The following KCNAB1 variants were observed in gnomAD, a reference collection of about 807,000 sequenced individuals.
KCNAB1 encodes potassium voltage-gated channel subfamily A regulatory beta subunit 1, also known as voltage-gated potassium channel subunit beta-1.
KCNAB1 carries 35 observed loss-of-function variants against 64.6 expected under a neutral mutation model. That is an observed-to-expected ratio of 0.54 (90% CI 0.41 to 0.72). The LOEUF is 0.72. Among genes scored for constraint, KCNAB1 ranks in the 30% least tolerant of loss-of-function variants. KCNAB1 has a pLI of 0.00. For missense variants in KCNAB1, 401 were observed against 512.9 expected (o/e 0.78, Z 2.11); for synonymous variants, 177 against 183.8 (o/e 0.96, Z 0.30).
chr3:156,261,912 T>C (rs1052357928), intron 1 of KCNAB1, among the ~76,000 whole-genome samples: 2 of 152,010 alleles, frequency 1.3e-5, no homozygotes, highest in African/African-American at 4.8e-5. Context: ...CGTTTTGTAG[T>C]AATCAGTATG....
At chr3:156,199,728 T>C (rs1714201985) in intron 1 of KCNAB1, among the ~76,000 whole-genome samples, 1 of 152,236 alleles carries the variant, frequency 6.6e-6, no homozygotes, top group South Asian at 2.1e-4. Flanking sequence ...TAACCCTGTA[T>C]CAAAGTTCTT....
At chr3:156,470,900 A>G (rs1348858144) in intron 7 of KCNAB1, among the ~76,000 whole-genome samples, 1 of 152,208 alleles carries the variant, frequency 6.6e-6, no homozygotes, top group African/African-American at 2.4e-5. Flanking sequence ...ATCAGCCATC[A>G]AGGATAACCA....
chr3:156,536,450 C>T, intron 13 of KCNAB1: 2 of 539,068 alleles, frequency 3.7e-6, no homozygotes, highest in Non-Finnish European at 6.6e-6. Flanking sequence ...TCACTTATGC[C>T]TTTATGCCTT....
chr3:156,453,052 G>T, intron 3 of KCNAB1, 116 bp downstream of exon 3: 1 of 601,024 alleles, frequency 1.7e-6, no homozygotes, highest in Non-Finnish European at 2.9e-6. Context: ...TAATTCACAG[G>T]AAATGGTAAA....
At chr3:156,511,731 C>A (rs1245748940) in intron 8 of KCNAB1, among the ~76,000 whole-genome samples, 1 of 152,224 alleles carries the variant, frequency 6.6e-6, no homozygotes, top group Non-Finnish European at 1.5e-5. Context: ...TCCAGTCCTC[C>A]CTGTTACTAA....
At chr3:156,482,875 T>G (rs1714930933) in intron 8 of KCNAB1, among the ~76,000 whole-genome samples, 1 of 152,104 alleles carries the variant, frequency 6.6e-6, no homozygotes, top group African/African-American at 2.4e-5. Context: ...TGCAGGAAAT[T>G]ACCTTGATGC....
chr3:156,533,579 AG>A (rs1337177315), intron 13 of KCNAB1, among the ~76,000 whole-genome samples: 1 of 152,124 alleles, frequency 6.6e-6, no homozygotes, highest in Non-Finnish European at 1.5e-5. Context: ...TTTTAAGAGG[AG>A]GGACATGCTC....
intron 1 of KCNAB1, among the ~76,000 whole-genome samples, chr3:156,162,435 T>C (rs572264756): frequency 7.2e-5 from 11 of 152,272 alleles, no homozygotes; most frequent in African/African-American, 2.4e-4. Flanking sequence ...AAACAGAGCC[T>C]TCCATTAATT....
intron 2 of KCNAB1, among the ~76,000 whole-genome samples, chr3:156,446,612 TC>T (rs1201462491): frequency 1.3e-5 from 2 of 152,204 alleles, no homozygotes; most frequent in Non-Finnish European, 2.9e-5. Flanking sequence ...CTCTCCATTC[TC>T]CCCATACTCT....
chr3:156,428,811 GT>G (rs1313469889), intron 2 of KCNAB1, among the ~76,000 whole-genome samples: 1 of 152,064 alleles, frequency 6.6e-6, no homozygotes, highest in African/African-American at 2.4e-5. Context: ...GTCAGATAGG[GT>G]TTGATCTGGA....
chr3:156,443,739 T>TACACACACACAC (rs71141708), intron 2 of KCNAB1, among the ~76,000 whole-genome samples: 8 of 141,732 alleles, frequency 5.6e-5, no homozygotes, highest in African/African-American at 1.1e-4. Context: ...ATTTAGTCCT[T>TACACACACACAC]ACACACACAC....
At chr3:156,273,036 A>C (rs1719124167) in intron 1 of KCNAB1, among the ~76,000 whole-genome samples, 1 of 150,862 alleles carries the variant, frequency 6.6e-6, no homozygotes, top group Admixed American at 6.6e-5. Flanking sequence ...GGGGCCTTGC[A>C]CCTCTGCCTG....
At chr3:156,177,654 T>A (rs916675778) in intron 1 of KCNAB1, among the ~76,000 whole-genome samples, 1 of 149,104 alleles carries the variant, frequency 6.7e-6, no homozygotes, top group Non-Finnish European at 1.5e-5. Flanking sequence ...TGGGATTACA[T>A]GCGTGAGCCA....
chr3:156,186,479 A>G (rs1031324108), intron 1 of KCNAB1, among the ~76,000 whole-genome samples: 1 of 152,042 alleles, frequency 6.6e-6, no homozygotes, highest in Non-Finnish European at 1.5e-5. Flanking sequence ...TGTCTTCTTT[A>G]TTCCTTGTTC....
intron 1 of KCNAB1, among the ~76,000 whole-genome samples, chr3:156,208,637 T>C (rs945298427): frequency 2.0e-5 from 3 of 152,124 alleles, no homozygotes; most frequent in African/African-American, 4.8e-5. Flanking sequence ...GGGAAAAAAA[T>C]ACTTGCCCAT....
chr3:156,227,702 T>G (rs1472058656), intron 1 of KCNAB1: 1 of 152,240 alleles, frequency 6.6e-6, no homozygotes, highest in Non-Finnish European at 1.5e-5. Context: ...ATGATTCTCC[T>G]CTTCATGTAA....
chr3:156,143,102 G>A (rs1714800341), intron 1 of KCNAB1: 7 of 1,478,520 alleles, frequency 4.7e-6, no homozygotes, highest in Non-Finnish European at 6.3e-6. Flanking sequence ...GATAACCCAA[G>A]GTATTCACAG....
chr3:156,459,908 G>T, intron 5 of KCNAB1, 37 bp downstream of exon 5: 2 of 1,486,568 alleles, frequency 1.3e-6, no homozygotes, highest in Non-Finnish European at 1.9e-6. Flanking sequence ...TTTTAAAAAG[G>T]TATTATTTTG....
At chr3:156,285,585 C>T (rs1418878469) in intron 1 of KCNAB1, among the ~76,000 whole-genome samples, 1 of 152,206 alleles carries the variant, frequency 6.6e-6, no homozygotes, top group African/African-American at 2.4e-5. Flanking sequence ...ACTGCAACCT[C>T]TGCCTCACAG....
Sources: allele counts gnomAD v4.1 joint callset (sites outside exome capture counted in the v4.1 genomes callset), GRCh38; gene constraint gnomAD v4.1.1; transcripts MANE v1.5; gene names NCBI Gene and HGNC (gene_info 2026-07-23, HGNC 2026-07-21).